The following BBIP1 variants were observed in gnomAD, a reference collection of about 807,000 sequenced individuals.
The protein encoded by BBIP1 is BBSome-interacting protein 1.
A neutral mutation model predicts 8.9 loss-of-function variants in BBIP1; 6 were observed. That is an observed-to-expected ratio of 0.67 (90% CI 0.37 to 1.33). The LOEUF (loss-of-function observed/expected upper bound fraction) is 1.33. Ranked by LOEUF, BBIP1 falls within the 40% of genes most tolerant of loss-of-function variation. The pLI is 0.02. For missense variants in BBIP1, 111 were observed against 109.2 expected (o/e 1.02, Z -0.07); for synonymous variants, 32 against 33.4 (o/e 0.96, Z 0.14).
intron 2 of BBIP1, among the ~76,000 whole-genome samples, chr10:110,909,885 T>C (rs1846234061): frequency 6.6e-6 from 1 of 152,178 alleles, no homozygotes; most frequent in Non-Finnish European, 1.5e-5. Context: ...TACGAACAGA[T>C]TTTTTCTTTC....
intron 2 of BBIP1, among the ~76,000 whole-genome samples, chr10:110,913,125 T>G (rs1234389362): frequency 6.6e-6 from 1 of 152,242 alleles, no homozygotes; most frequent in Non-Finnish European, 1.5e-5. Context: ...TTCACATTTA[T>G]ACTTTAAATG....
At chr10:110,908,807 AG>A (rs988230729) in intron 2 of BBIP1, among the ~76,000 whole-genome samples, 2 of 138,300 alleles carry the variant, frequency 1.4e-5, no homozygotes, top group African/African-American at 5.4e-5. Flanking sequence ...AAAAAAAAAA[AG>A]AGTTACGAGC....
chr10:110,914,699 G>A (rs1190032809), intron 2 of BBIP1, among the ~76,000 whole-genome samples: 2 of 152,126 alleles, frequency 1.3e-5, no homozygotes, highest in Non-Finnish European at 2.9e-5. Flanking sequence ...GTTCAATTTA[G>A]CTAATTAATT....
intron 2 of BBIP1, among the ~76,000 whole-genome samples, chr10:110,909,752 G>C (rs546693460): frequency 8.7e-4 from 132 of 152,318 alleles, no homozygotes; most frequent in Non-Finnish European, 1.7e-3. Context: ...GCACTGGACA[G>C]TAAAGACTAG....
intron 1 of BBIP1, chr10:110,918,878 C>T (rs1237576545): frequency 1.3e-5 from 2 of 152,370 alleles, no homozygotes; most frequent in African/African-American, 2.4e-5. Flanking sequence ...AATAAGCATT[C>T]CCTGGGGCAC....
chr10:110,907,928 G>A, intron 2 of BBIP1: 1 of 589,794 alleles, frequency 1.7e-6, no homozygotes, highest in East Asian at 2.9e-5. Flanking sequence ...TCAAACAGGG[G>A]AGTTGAGTAT....
intron 2 of BBIP1, chr10:110,907,845 GAA>G (rs1004817794): frequency 3.0e-6 from 2 of 676,690 alleles, no homozygotes; most frequent in Non-Finnish European, 5.3e-6. Context: ...CCCTGGGAAG[GAA>G]AAAAGTTAAA....
chr10:110,913,647 A>T (rs1423068934), intron 2 of BBIP1, among the ~76,000 whole-genome samples: 1 of 152,226 alleles, frequency 6.6e-6, no homozygotes, highest in Non-Finnish European at 1.5e-5. Context: ...AAGGCAACAG[A>T]AGCTTGTTGT....
chr10:110,898,965 C>T lies in BBIP1; in HGVS notation c.*1395G>A, dbSNP rs1304112024. 6.6e-6 allele frequency: 1 copy of T among 151,592 alleles called. No homozygotes were observed. Among genetic ancestry groups the T allele is most frequent in the African/African-American group, 2.4e-5 (1 of 41,168 alleles). 9.4% of individuals were successfully genotyped at this position (151,592 alleles called of 1,614,324 possible). A position where few individuals can be genotyped will look rare whatever the true frequency, so the allele number is the denominator to read the frequency against. On this transcript the variant is annotated 3_prime_UTR_variant, in exon 4 of 4. Coordinates refer to ENST00000448814, the MANE Select transcript of BBIP1 (RefSeq NM_001195305.3). ...ATCACTTTACTCCATTGTTATCTGA[C>T]CTAGAGCTTAATTAAGTTTTAGAAA...
chr10:110,904,190 A>G lies in BBIP1; in HGVS notation c.38-2578T>C, dbSNP rs965318649. ...GGGCCAAGGGAGAAACATAACAGCT[A>G]TGGCTGAAATTCATGTGTATTCTAC... is the stretch of plus-strand genomic sequence containing the variant. On this transcript the variant is annotated intron_variant, in intron 2 of 3. Transcript: ENST00000448814. 2.6e-5 allele frequency: 4 copies of G among 152,238 alleles called. No individual in the cohort carries two copies. In the South Asian group the frequency reaches 8.3e-4, roughly 32 times the overall value. 9.4% of individuals were successfully genotyped at this position (152,238 alleles called of 1,614,324 possible). A position where few individuals can be genotyped will look rare whatever the true frequency, so the allele number is the denominator to read the frequency against.
At chr10:110,918,001 G>T (rs1223897011) in intron 2 of BBIP1, 120 bp downstream of exon 2, 2 of 830,362 alleles carry the variant, frequency 2.4e-6, no homozygotes, top group Non-Finnish European at 3.8e-6. Flanking sequence ...TAACAGCAAA[G>T]AAACAAGAGT....
chr10:110,901,707 C>T, intron 2 of BBIP1, 95 bp from the exon 3 acceptor site: 2 of 947,808 alleles, frequency 2.1e-6, no homozygotes, highest in Non-Finnish European at 3.3e-6. Context: ...ATCCAAATTC[C>T]TATAGAAAGT....
chr10:110,916,258 G>C (rs1238353532), intron 2 of BBIP1, among the ~76,000 whole-genome samples: 4 of 152,108 alleles, frequency 2.6e-5, no homozygotes, highest in African/African-American at 9.7e-5. Context: ...AAAAAATTCT[G>C]TCCTCCCAGA....
intron 2 of BBIP1, among the ~76,000 whole-genome samples, chr10:110,910,257 TA>T (rs766930880): frequency 1.3e-5 from 2 of 151,754 alleles, no homozygotes; most frequent in Non-Finnish European, 1.5e-5. Flanking sequence ...GAAGAAGCAT[TA>T]AAAAAAAGTG....
chr10:110,912,825 T>C (rs1265926743), intron 2 of BBIP1, among the ~76,000 whole-genome samples: 2 of 152,180 alleles, frequency 1.3e-5, no homozygotes, highest in Admixed American at 6.5e-5. Context: ...ACTCCTAACC[T>C]GTCACTACAT....
At chr10:110,905,723 G>A (rs1303433005) in intron 2 of BBIP1, among the ~76,000 whole-genome samples, 2 of 152,144 alleles carry the variant, frequency 1.3e-5, no homozygotes, top group African/African-American at 4.8e-5. Flanking sequence ...CTCCCAAAGA[G>A]ATTTTGGAAA....
chr10:110,915,177 G>A (rs540928299), intron 2 of BBIP1, among the ~76,000 whole-genome samples: 5 of 151,986 alleles, frequency 3.3e-5, no homozygotes, highest in African/African-American at 9.7e-5. Context: ...GTTTTTTTAA[G>A]ACAGGGTCTC....
intron 2 of BBIP1, chr10:110,904,561 G>A (rs545978341): frequency 3.3e-5 from 5 of 152,186 alleles, no homozygotes; most frequent in Non-Finnish European, 7.3e-5. Flanking sequence ...GTATCCACAG[G>A]TAGGGACGGT....
intron 2 of BBIP1, among the ~76,000 whole-genome samples, chr10:110,912,724 G>T (rs1055360230): frequency 6.6e-6 from 1 of 152,102 alleles, no homozygotes; most frequent in Non-Finnish European, 1.5e-5. Flanking sequence ...CCCACACTAA[G>T]TCTCCTTAAT....
Sources: allele counts gnomAD v4.1 joint callset (sites outside exome capture counted in the v4.1 genomes callset), GRCh38; gene constraint gnomAD v4.1.1; transcripts MANE v1.5; gene names NCBI Gene and HGNC (gene_info 2026-07-23, HGNC 2026-07-21).